CABCOCO1: variants seen among roughly 807,000 people sequenced by gnomAD.
The protein encoded by CABCOCO1 is ciliary-associated calcium-binding coiled-coil protein 1.
In CABCOCO1, 28 loss-of-function variants were observed where a neutral mutation model predicts 35.7. The observed-to-expected ratio is 0.78, with a 90% CI of 0.58 to 1.07. The LOEUF is 1.07. Ranked by LOEUF, CABCOCO1 falls within the 50% of genes least tolerant of loss-of-function variation. The pLI is 0.00. For synonymous variants in CABCOCO1, 95 were observed against 100.1 expected (o/e 0.95, Z 0.30); for missense variants, 326 against 309.2 (o/e 1.05, Z -0.41).
intron 1 of CABCOCO1, 169 bp downstream of exon 1, chr10:61,663,201 G>A (rs1839059367): frequency 1.1e-5 from 2 of 180,194 alleles, no homozygotes; most frequent in Admixed American, 1.3e-4. Flanking sequence ...GCTGGGAGCT[G>A]CGCTGGGGTC....
chr10:61,668,683 T>G (rs1261012742), intron 1 of CABCOCO1, among the ~76,000 whole-genome samples: 2 of 152,032 alleles, frequency 1.3e-5, no homozygotes, highest in Non-Finnish European at 2.9e-5. Context: ...TTCTAAGGAA[T>G]TACCTCTTGC....
chr10:61,695,173 G>A (rs1378476594), intron 5 of CABCOCO1, among the ~76,000 whole-genome samples: 3 of 151,000 alleles, frequency 2.0e-5, no homozygotes, highest in Non-Finnish European at 4.4e-5. Flanking sequence ...GATAAAAAAA[G>A]ATTACAATAT....
chr10:61,760,315 A>G, intron 6 of CABCOCO1, 134 bp downstream of exon 6: 1 of 1,253,082 alleles, frequency 8.0e-7, no homozygotes. Context: ...TATTTCTCTA[A>G]GTGTTGATTC....
intron 4 of CABCOCO1, among the ~76,000 whole-genome samples, chr10:61,687,345 A>G (rs1839996523): frequency 6.6e-6 from 1 of 152,216 alleles, no homozygotes; most frequent in Non-Finnish European, 1.5e-5. Context: ...AGGAGAGCCT[A>G]TTCCTCAAGG....
rs548351864 is a variant in CABCOCO1, at chr10:61,663,478, G to A, written c.60+446G>A. Among the ~76,000 whole-genome samples the A allele has an allele frequency of 4.0e-5, 6 of 151,872 alleles. No homozygotes were observed. In the South Asian group the frequency reaches 1.0e-3, roughly 26 times the overall value. ...AATTTTGTAATGATTACAGTGTTGC[G>A]ATTGCTCAAAAGGTGTCATGAAATA... On this transcript the variant is annotated intron_variant, in intron 1 of 7. Transcript: ENST00000648843.
chr10:61,751,240 A>G (rs1168026988), intron 5 of CABCOCO1, among the ~76,000 whole-genome samples: 4 of 117,670 alleles, frequency 3.4e-5, no homozygotes, highest in Non-Finnish European at 5.2e-5. Flanking sequence ...TTTTTTTCAT[A>G]TAACAATTAT....
intron 3 of CABCOCO1, among the ~76,000 whole-genome samples, chr10:61,682,353 T>C (rs542956737): frequency 2.0e-5 from 3 of 151,204 alleles, no homozygotes; most frequent in Admixed American, 6.6e-5. Context: ...GCAGAAAAAA[T>C]TTTTTTTAAA....
At chr10:61,677,068 A>AATAATAATAATAATAATAATAATAATAAT (rs375409640) in intron 2 of CABCOCO1, among the ~76,000 whole-genome samples, 10 of 144,344 alleles carry the variant, frequency 6.9e-5, no homozygotes, top group East Asian at 2.1e-4. Context: ...CTGTCTCAAA[A>AATAATAATAATAATAATAATAATAATAAT]AATAATAATA....
chr10:61,681,064 A>G (rs996498889), intron 2 of CABCOCO1, 79 bp from the exon 3 acceptor site: 5 of 797,660 alleles, frequency 6.3e-6, no homozygotes, highest in Non-Finnish European at 6.8e-6. Flanking sequence ...AAAGAAAAAG[A>G]CCTGTTTTCA....
intron 5 of CABCOCO1, among the ~76,000 whole-genome samples, chr10:61,720,875 T>C (rs1161236926): frequency 6.6e-6 from 1 of 151,206 alleles, no homozygotes; most frequent in Non-Finnish European, 1.5e-5. Flanking sequence ...TAGATTGTAT[T>C]GCTGGTCACC....
chr10:61,715,313 T>C (rs12782503), intron 5 of CABCOCO1, among the ~76,000 whole-genome samples: 17,957 of 152,200 alleles, frequency 0.12, 1,394 homozygotes, highest in African/African-American at 0.19. Context: ...AAATCTGTTT[T>C]ATCAGAGATT....
intron 5 of CABCOCO1, among the ~76,000 whole-genome samples, chr10:61,705,779 T>G (rs543873818): frequency 1.3e-5 from 2 of 152,310 alleles, no homozygotes; most frequent in East Asian, 3.9e-4. Flanking sequence ...TGCTAGGCAC[T>G]AAGCACTTTA....
At chr10:61,706,383 C>G (rs1233119409) in intron 5 of CABCOCO1, among the ~76,000 whole-genome samples, 2 of 152,108 alleles carry the variant, frequency 1.3e-5, no homozygotes, top group Non-Finnish European at 2.9e-5. Flanking sequence ...ATGAGCATAA[C>G]TCTGATATAA....
At position 61,747,241 on chromosome 10, in the gene CABCOCO1, A is replaced by G. The variant is rs562848687; in HGVS notation, c.553-12818A>G. 6.6e-5 allele frequency among the ~76,000 whole-genome samples: 10 copies of G among 152,278 alleles called. No homozygotes were observed. The South Asian group carries it at 2.1e-3, about 32-fold the overall frequency. ...CTGCAAGGAAACTGGTATTTTTTAG[A>G]TAAAGAATTGGTGTGGTAATATTAC... On this transcript the variant is annotated intron_variant, in intron 5 of 7. Transcript: ENST00000648843.
intron 5 of CABCOCO1, among the ~76,000 whole-genome samples, chr10:61,716,497 T>C (rs1840869392): frequency 6.6e-6 from 1 of 152,134 alleles, no homozygotes; most frequent in Non-Finnish European, 1.5e-5. Flanking sequence ...CTCTTTCAAA[T>C]TTATGCTTGT....
At chr10:61,694,948 G>A (rs947822699) in intron 5 of CABCOCO1, among the ~76,000 whole-genome samples, 1 of 152,100 alleles carries the variant, frequency 6.6e-6, no homozygotes, top group African/African-American at 2.4e-5. Flanking sequence ...TAGGTTGGAT[G>A]TGTATAGTGT....
intron 5 of CABCOCO1, among the ~76,000 whole-genome samples, chr10:61,753,543 C>T (rs570679340): frequency 1.3e-5 from 2 of 152,164 alleles, no homozygotes; most frequent in South Asian, 2.1e-4. Context: ...AGCCCTGACT[C>T]TTTACTTTTG....
At chr10:61,694,323 G>A (rs557382825) in intron 5 of CABCOCO1, among the ~76,000 whole-genome samples, 22 of 146,832 alleles carry the variant, frequency 1.5e-4, no homozygotes, top group Admixed American at 1.0e-3. Flanking sequence ...CTCATAGTTC[G>A]TTTTAATACT....
At chr10:61,742,003 G>C (rs1350650292) in intron 5 of CABCOCO1, among the ~76,000 whole-genome samples, 1 of 152,180 alleles carries the variant, frequency 6.6e-6, no homozygotes. Flanking sequence ...GAAGCAGGGA[G>C]ACCAGGTAGA....
Sources: allele counts gnomAD v4.1 joint callset (sites outside exome capture counted in the v4.1 genomes callset), GRCh38; gene constraint gnomAD v4.1.1; transcripts MANE v1.5; gene names NCBI Gene and HGNC (gene_info 2026-07-23, HGNC 2026-07-21).